The following RASGRP4 variants were observed in gnomAD, a reference collection of about 807,000 sequenced individuals.
The protein encoded by RASGRP4 is RAS guanyl releasing protein 4.
In RASGRP4, 52 loss-of-function variants were observed where a neutral mutation model predicts 84.4. The ratio of observed to expected loss-of-function variants is 0.62; its 90% confidence interval spans 0.49 to 0.78. RASGRP4 has a LOEUF of 0.78. Among genes scored for constraint, RASGRP4 ranks in the 30% least tolerant of loss-of-function variants. The pLI is 0.00. For missense variants in RASGRP4, 760 were observed against 886.9 expected (o/e 0.86, Z 1.82); for synonymous variants, 356 against 359.1 (o/e 0.99, Z 0.10).
intron 8 of RASGRP4, among the ~76,000 whole-genome samples, chr19:38,415,834 G>A (rs1387635245): frequency 1.3e-5 from 2 of 151,338 alleles, no homozygotes; most frequent in Non-Finnish European, 1.5e-5. Flanking sequence ...CGAGGCAGGC[G>A]GATCATCTGA....
Position 38,409,797 on chromosome 19 carries a change from A to G in RASGRP4, c.*243T>C. 1 of 400,114 alleles carries G rather than the reference A, an allele frequency of 2.5e-6. No homozygotes were observed. The highest frequency in any genetic ancestry group is 4.3e-5 in the East Asian group (1 of 23,070). 24.8% of individuals were successfully genotyped at this position (400,114 alleles called of 1,614,324 possible). A position where few individuals can be genotyped will look rare whatever the true frequency, so the allele number is the denominator to read the frequency against. ...TAGAATGAGGCCTGAGTCTAAATGTATCCAACACACAGCCGCACAGATACT... is the reference window on the plus strand; with the variant it reads ...TAGAATGAGGCCTGAGTCTAAATGTGTCCAACACACAGCCGCACAGATACT... On this transcript the variant is annotated 3_prime_UTR_variant, in exon 17 of 17. Transcript: ENST00000615439.
In RASGRP4 at chr19:38,414,973, A is replaced by G. The variant is rs1358876189; in HGVS notation, c.1105T>C (p.Leu369=). 6 of 1,613,426 alleles carry G rather than the reference A, an allele frequency of 3.7e-6. No homozygotes were observed. In the Admixed American group the frequency reaches 6.7e-5, roughly 18 times the overall value. The part of the protein sequence containing the change: ...VSLHEAQPDR[L]PDGRLHLPKL... Reference sequence around the variant, plus strand: ...GGTAGGTGCAGGCGGCCGTCAGGCAACCTGTCGGGCTGTGCCTCATGCAGG... The same window carrying G: ...GGTAGGTGCAGGCGGCCGTCAGGCAGCCTGTCGGGCTGTGCCTCATGCAGG... The change falls in exon 9 of 17, where the codon TTG becomes CTG. Residue 369 remains leucine, a synonymous_variant. Transcript: ENST00000615439.
chr19:38,421,947 C>T (rs1397790184), intron 2 of RASGRP4, 22 bp downstream of exon 2: 1 of 1,598,392 alleles, frequency 6.3e-7, no homozygotes, highest in Non-Finnish European at 8.5e-7. Flanking sequence ...GCCAGGGAGG[C>T]TGCTGGGGAG....
Position 38,410,991 on chromosome 19 carries a change from C to T in RASGRP4, c.1860G>A (p.Glu620=). 6.2e-7 allele frequency: 1 copy of T among 1,603,150 alleles called. No homozygotes were observed. Among genetic ancestry groups the T allele is most frequent in the East Asian group, 2.2e-5 (1 of 44,556 alleles). The change falls in exon 16 of 17, where the codon GAG becomes GAA. Residue 620 remains glutamate, a synonymous_variant. Transcript: ENST00000615439. ...TPAPHASCGS[E]ENHSYTLSLE... ...GGGATAGCGTGTAGGAGTGATTTTC[C>T]TCGGAGCCTGTTTGTGGGTGGATGG...
At chr19:38,419,758 A>T in intron 6 of RASGRP4, 102 bp downstream of exon 6, 1 of 1,150,242 alleles carries the variant, frequency 8.7e-7, no homozygotes, top group Non-Finnish European at 1.2e-6. Flanking sequence ...TCTCTGCCGA[A>T]TGACCATGCA....
At chr19:38,422,975 G>A (rs1403099315) in intron 1 of RASGRP4, among the ~76,000 whole-genome samples, 1 of 151,504 alleles carries the variant, frequency 6.6e-6, no homozygotes, top group Non-Finnish European at 1.5e-5. Flanking sequence ...ACCCCTCAGG[G>A]AATCATAAGA....
In RASGRP4 at chr19:38,413,213, G is replaced by A. The variant is rs1225258857; in HGVS notation, c.1396C>T (p.His466Tyr). 1.2e-6 allele frequency: 2 copies of A among 1,613,376 alleles called. No homozygotes were observed. Among genetic ancestry groups the A allele is most frequent in the East Asian group, 4.5e-5 (2 of 44,880 alleles). Residue 466 changes from histidine to tyrosine, a missense_variant, in exon 11 of 17, where the codon CAT (histidine) becomes TAT (tyrosine). By Grantham distance (83) the His-to-Tyr change is moderately conservative. Transcript: ENST00000615439. This position sits in a 1 kb window ranked among gnomAD's most constrained non-coding sequence, Gnocchi z 4.7. ...PKPDRVTLGR[H>Y]VEQLVESVFK... ...CTTACCTCCACCAGCTGCTCCACAT[G>A]CCGACCCAGTGTGACCCTGTCCGGC...
At position 38,415,032 on chromosome 19, in the gene RASGRP4, G is replaced by T; in HGVS notation, c.1046C>A (p.Pro349His). The change falls in exon 9 of 17, where the codon CCT (proline) becomes CAT (histidine). Residue 349 changes from proline (P) to histidine (H), a missense_variant. By Grantham distance (77) the Pro-to-His change is moderately conservative. Coordinates refer to ENST00000615439, the MANE Select transcript of RASGRP4 (RefSeq NM_170604.3). ...TWAGCAGFRL[P>H]VLGVHLKDLV... is the part of the protein sequence containing the mutation. Reference sequence around the variant, plus strand: ...GTCCTTGAGGTGCACGCCCAGTACAGGCAGCCGGAAACCCGCGCAGCCAGC... The same window carrying T: ...GTCCTTGAGGTGCACGCCCAGTACATGCAGCCGGAAACCCGCGCAGCCAGC... The T allele has an allele frequency of 6.2e-7, 1 of 1,609,946 alleles. No individual in the cohort carries two copies.
At position 38,409,438 on chromosome 19, in the gene RASGRP4, A is replaced by G. The variant is rs4802400; in HGVS notation, c.*602T>C. 14,359 of 152,374 alleles carry G rather than the reference A, an allele frequency of 0.094. 959 individuals are homozygous for G. The highest frequency in any genetic ancestry group is 0.18 in the African/African-American group (7,255 of 41,420). The allele number at this position is 152,374 out of a possible 1,614,324, so 9.4% of individuals were successfully genotyped here. ...AAGTATAGGCTGTCAGAGGGAGCAC[A>G]TTCTATGCAGAAAAACAGGAGCTGG... On this transcript the variant is annotated 3_prime_UTR_variant, in exon 17 of 17. Coordinates refer to ENST00000615439, the MANE Select transcript of RASGRP4 (RefSeq NM_170604.3).
intron 15 of RASGRP4, 41 bp from the exon 16 acceptor site, chr19:38,411,039 A>T (rs192851379): frequency 6.2e-7 from 1 of 1,611,152 alleles, no homozygotes; most frequent in Non-Finnish European, 8.5e-7. Flanking sequence ...TCTGATGGGA[A>T]GGACCTCTTC....
At chr19:38,415,213 C>A in intron 8 of RASGRP4, 90 bp from the exon 9 acceptor site, 1 of 1,255,454 alleles carries the variant, frequency 8.0e-7, no homozygotes, top group Non-Finnish European at 1.1e-6. Context: ...CTTCAGGGAC[C>A]CAGTGGCATT....
chr19:38,417,161 T>C lies in RASGRP4; in HGVS notation c.845A>G (p.His282Arg). 1 of 1,555,414 alleles carries C rather than the reference T, an allele frequency of 6.4e-7. No individual in the cohort carries two copies. Among genetic ancestry groups the C allele is most frequent in the Non-Finnish European group, 8.7e-7 (1 of 1,148,822 alleles). ...DKFIHVAQRL[H>R]QLQNFNTLMA... ...CAGCGTGTTGAAATTCTGCAGCTGGTGGAGCCTCTAGGAAGAGAAGCATGC... is the reference window on the plus strand; with the variant it reads ...CAGCGTGTTGAAATTCTGCAGCTGGCGGAGCCTCTAGGAAGAGAAGCATGC... The change falls in exon 8 of 17, where the codon CAC becomes CGC. Residue 282 changes from histidine to arginine, a missense_variant. Transcript: ENST00000615439. This position sits in a 1 kb window ranked among gnomAD's most constrained non-coding sequence, Gnocchi z 5.1.
intron 1 of RASGRP4, among the ~76,000 whole-genome samples, chr19:38,424,775 A>C (rs1281033938): frequency 6.6e-6 from 1 of 152,082 alleles, no homozygotes; most frequent in Non-Finnish European, 1.5e-5. Context: ...CTAAGGAAGG[A>C]GCATTCTAAC....
Position 38,418,570 on chromosome 19 carries a change from A to AGCGAGGTGGGTG in RASGRP4, c.664-18_664-7dup. On this transcript the variant is annotated splice_polypyrimidine_tract_variant and splice_region_variant and intron_variant, in intron 6 of 16. Transcript: ENST00000615439. The surrounding 1 kb of genome is among the most constrained non-coding windows in gnomAD (Gnocchi z 4.6). ...TAGCTCCGCAGGTCCTGGGGCTGGG[A>AGCGAGGTGGGTG]GCGAGGTGGGTGTCAAGGTGGGCCG... The AGCGAGGTGGGTG allele has an allele frequency of 6.6e-7, 1 of 1,507,968 alleles. No individual in the cohort carries two copies. The highest frequency in any genetic ancestry group is 1.3e-5 in the South Asian group (1 of 78,606). The allele number at this position is 1,507,968 out of a possible 1,614,324, so 93.4% of individuals were successfully genotyped here.
intron 8 of RASGRP4, among the ~76,000 whole-genome samples, chr19:38,416,719 G>A (rs932950503): frequency 4.6e-5 from 7 of 152,112 alleles, no homozygotes; most frequent in Admixed American, 1.3e-4. Context: ...TCTTCCCAGG[G>A]CATCTTCGGC....
In RASGRP4 at chr19:38,409,828, C is replaced by T; in HGVS notation, c.*212G>A. On this transcript the variant is annotated 3_prime_UTR_variant, in exon 17 of 17. Transcript: ENST00000615439. ...CACACAGCCGCACAGATACTAAGTG[C>T]AGGGAAAGGGAGCAGGATTAGCATC... 2 of 506,008 alleles carry T rather than the reference C, an allele frequency of 4.0e-6. No individual in the cohort carries two copies. Among genetic ancestry groups the T allele is most frequent in the Middle Eastern group, 5.3e-4 (1 of 1,888 alleles). 31.3% of individuals were successfully genotyped at this position (506,008 alleles called of 1,614,324 possible).
Position 38,420,025 on chromosome 19 carries a change from GA to G in RASGRP4, c.510-13del. ...CACCAGGGCTCAGGCTGGGGGCCAAGAGGGGCAGGGTATTGGAGTGGCTCAC... is the reference window on the plus strand; with the variant it reads ...CACCAGGGCTCAGGCTGGGGGCCAAGGGGGCAGGGTATTGGAGTGGCTCAC... On this transcript the variant is annotated splice_polypyrimidine_tract_variant and intron_variant, in intron 5 of 16. Coordinates refer to ENST00000615439, the MANE Select transcript of RASGRP4 (RefSeq NM_170604.3). 1 of 1,613,462 alleles carries G rather than the reference GA, an allele frequency of 6.2e-7. No homozygotes were observed. The highest frequency in any genetic ancestry group is 1.1e-5 in the South Asian group (1 of 91,084).
chr19:38,413,457 GA>G lies in RASGRP4; in HGVS notation c.1247del (p.Phe416SerfsTer39). The G allele has an allele frequency of 6.3e-7, 1 of 1,599,874 alleles. No homozygotes were observed. The highest frequency in any genetic ancestry group is 1.1e-5 in the South Asian group (1 of 88,690). ...LHLLTLSLDL[F>X]YTEDEIYELS... ...GCTCATAGATCTCGTCTTCCGTGTA[GA>G]AGAGGTCCAGGGAGAGCTGGAGCAG... On this transcript the variant is annotated frameshift_variant, in exon 10 of 17. Coordinates refer to ENST00000615439, the MANE Select transcript of RASGRP4 (RefSeq NM_170604.3). LOFTEE classifies it high-confidence loss of function. This position sits in a 1 kb window ranked among gnomAD's most constrained non-coding sequence, Gnocchi z 4.7.
rs905548384 is a variant in RASGRP4, at chr19:38,418,678, C to G, written c.664-114G>C. The G allele has an allele frequency of 9.6e-7, 1 of 1,046,830 alleles. No homozygotes were observed. The highest frequency in any genetic ancestry group is 1.6e-5 in the African/African-American group (1 of 60,894). The allele number at this position is 1,046,830 out of a possible 1,614,324, so 64.8% of individuals were successfully genotyped here. Reference sequence around the variant, plus strand: ...CCTAGCCTGGTCTAGCCGGAGTGACCTTTGTCATCTGTCCCCCAACCCTCA... The same window carrying G: ...CCTAGCCTGGTCTAGCCGGAGTGACGTTTGTCATCTGTCCCCCAACCCTCA... On this transcript the variant is annotated intron_variant, in intron 6 of 16. Transcript: ENST00000615439. The surrounding 1 kb of genome is among the most constrained non-coding windows in gnomAD (Gnocchi z 4.6).
Sources: allele counts gnomAD v4.1 joint callset (sites outside exome capture counted in the v4.1 genomes callset), GRCh38; gene constraint gnomAD v4.1.1; non-coding constraint Gnocchi (gnomAD v3.1); transcripts MANE v1.5; gene names NCBI Gene and HGNC (gene_info 2026-07-23, HGNC 2026-07-21).